The following NUAK1 variants were observed in gnomAD, a reference collection of about 807,000 sequenced individuals.
NUAK1 encodes NUAK family SNF1-like kinase 1.
Under a neutral mutation model 56.9 loss-of-function variants are expected in NUAK1, and 26 were observed. That is an observed-to-expected ratio of 0.46 (90% confidence interval 0.33 to 0.63). NUAK1 has a LOEUF of 0.63. Ranked by LOEUF, NUAK1 falls within the 30% of genes least tolerant of loss-of-function variation. The probability of loss-of-function intolerance (pLI) is 0.02; values close to 1 mark genes in which losing one functional copy is unlikely to be tolerated. For missense variants in NUAK1, 727 were observed against 876.1 expected (o/e 0.83, Z 2.15); for synonymous variants, 337 against 336.0 (o/e 1.00, Z -0.03).
At chr12:106,070,059 T>TA (rs1565918099) in intron 6 of NUAK1, among the ~76,000 whole-genome samples, 1 of 152,086 alleles carries the variant, frequency 6.6e-6, no homozygotes, top group African/African-American at 2.4e-5. Context: ...AGAAAAATTT[T>TA]AAAAAAAGAA....
intron 2 of NUAK1, among the ~76,000 whole-genome samples, chr12:106,099,480 T>C: frequency 6.6e-6 from 1 of 152,298 alleles, no homozygotes; most frequent in East Asian, 1.9e-4. Flanking sequence ...CTGGGAATTC[T>C]ACATATCACA....
At chr12:106,124,382 A>G (rs952031194) in intron 1 of NUAK1, among the ~76,000 whole-genome samples, 2 of 152,156 alleles carry the variant, frequency 1.3e-5, no homozygotes, top group Non-Finnish European at 2.9e-5. Context: ...TCTCATTAGC[A>G]GAGGAGATAT....
At chr12:106,135,094 A>T (rs1449754418) in intron 1 of NUAK1, among the ~76,000 whole-genome samples, 1 of 152,214 alleles carries the variant, frequency 6.6e-6, no homozygotes, top group Non-Finnish European at 1.5e-5. Flanking sequence ...TTCAGTTCTC[A>T]CAAGTCTATG....
At chr12:106,111,855 A>G (rs2032862241) in intron 1 of NUAK1, among the ~76,000 whole-genome samples, 1 of 151,688 alleles carries the variant, frequency 6.6e-6, no homozygotes, top group South Asian at 2.1e-4. Context: ...ACAGATGAGA[A>G]CATTGAGGCC....
rs990672765 is a variant in NUAK1 at position 106,138,609 on chromosome 12, C to T, written c.45G>A (p.Leu15=). The change falls in exon 1 of 7, where the codon TTG becomes TTA. Residue 15 remains leucine, a synonymous_variant. Transcript: ENST00000261402. The surrounding 1 kb of genome is among the most constrained non-coding windows in gnomAD (Gnocchi z 5.0). ...GGGGAGAGCCCGGCGCCCCCAGCCC[C>T]AAGTCGGGGCGGTCCCCCGCCACAG... ...AAPVAGDRPD[L]GLGAPGSPRE... The T allele has an allele frequency of 1.9e-6, 3 of 1,539,182 alleles. No individual in the cohort carries two copies. In the African/African-American group the frequency reaches 4.1e-5, roughly 21 times the overall value.
In NUAK1 at chr12:106,083,888, C is replaced by T; in HGVS notation, c.555G>A (p.Leu185=). 6.2e-7 allele frequency: 1 copy of T among 1,614,090 alleles called. No homozygotes were observed. The highest frequency in any genetic ancestry group is 1.6e-4 in the Middle Eastern group (1 of 6,062). ...VHRDLKLENI[L]LDDNCNIKIA... ...CCTTAATATTGCAGTTGTCATCGAG[C>T]AGTATATTTTCCAGCTTCAAGTCCC... Residue 185 remains leucine, a synonymous_variant, in exon 4 of 7, where the codon CTG becomes CTA. Transcript: ENST00000261402.
At chr12:106,133,119 C>T (rs941740870) in intron 1 of NUAK1, among the ~76,000 whole-genome samples, 1 of 152,064 alleles carries the variant, frequency 6.6e-6, no homozygotes, top group Non-Finnish European at 1.5e-5. Context: ...ATTATTACCC[C>T]CATCTTACCT....
At chr12:106,079,513 A>C (rs1440060817) in intron 4 of NUAK1, among the ~76,000 whole-genome samples, 8 of 152,290 alleles carry the variant, frequency 5.3e-5, no homozygotes, top group African/African-American at 1.9e-4. Context: ...AGTCAAGCAG[A>C]GACCCCAAAG....
In NUAK1 at chr12:106,066,529, C is replaced by T. The variant is rs1302097018; in HGVS notation, c.*273G>A. 1.5e-5 allele frequency: 7 copies of T among 479,170 alleles called. No homozygotes were observed. In the East Asian group the frequency reaches 2.2e-4, roughly 15 times the overall value. 29.7% of individuals were successfully genotyped at this position (479,170 alleles called of 1,614,324 possible). ...TCCACCCACTGAGTGCCGGTCAATA[C>T]CACCTCCCCTGGACAGCTGGTCCTC... On this transcript the variant is annotated 3_prime_UTR_variant, in exon 7 of 7. Transcript: ENST00000261402.
chr12:106,134,593 G>A (rs1340846259), intron 1 of NUAK1, among the ~76,000 whole-genome samples: 2 of 152,228 alleles, frequency 1.3e-5, no homozygotes, highest in Non-Finnish European at 2.9e-5. Flanking sequence ...CTGGTACAGT[G>A]AGGAAGTTGA....
At chr12:106,091,449 C>T (rs1219571075) in intron 2 of NUAK1, among the ~76,000 whole-genome samples, 1 of 152,074 alleles carries the variant, frequency 6.6e-6, no homozygotes. Flanking sequence ...CTGGGGATAC[C>T]GAAAGAAGAC....
At chr12:106,074,937 C>T (rs890866274) in intron 4 of NUAK1, among the ~76,000 whole-genome samples, 1 of 152,026 alleles carries the variant, frequency 6.6e-6, no homozygotes, top group African/African-American at 2.4e-5. Context: ...ATGAAGTGTG[C>T]CCTGTCAATC....
chr12:106,072,856 G>A lies in NUAK1; in HGVS notation c.580-13C>T. The stretch of plus-strand genomic sequence containing the variant: ...CAAAGTCAGCAATCTACAAAGAGAA[G>A]CAAGACCCAGGGAGACTTGTTAGCA... On this transcript the variant is annotated splice_polypyrimidine_tract_variant and intron_variant, in intron 4 of 6. Transcript: ENST00000261402. The A allele has an allele frequency of 6.2e-7, 1 of 1,613,708 alleles. No individual in the cohort carries two copies.
At chr12:106,102,212 G>A (rs1753679501) in intron 2 of NUAK1, among the ~76,000 whole-genome samples, 1 of 152,138 alleles carries the variant, frequency 6.6e-6, no homozygotes, top group Admixed American at 6.5e-5. Flanking sequence ...AAAACACTTG[G>A]AGGCACTGGA....
chr12:106,074,761 T>A (rs1317531427), intron 4 of NUAK1, among the ~76,000 whole-genome samples: 1 of 152,056 alleles, frequency 6.6e-6, no homozygotes, highest in Non-Finnish European at 1.5e-5. Flanking sequence ...AAGCAGCCTA[T>A]TTTGTAAAAG....
intron 1 of NUAK1, among the ~76,000 whole-genome samples, chr12:106,117,277 G>T (rs2032927527): frequency 6.6e-6 from 1 of 152,162 alleles, no homozygotes; most frequent in African/African-American, 2.4e-5. Context: ...GTGTTCTTTT[G>T]GGAGCCCACA....
intron 4 of NUAK1, among the ~76,000 whole-genome samples, chr12:106,073,149 ACTTG>A (rs1218421908): frequency 6.6e-6 from 1 of 152,228 alleles, no homozygotes; most frequent in Non-Finnish European, 1.5e-5. Flanking sequence ...TTTAATTTAG[ACTTG>A]CTTTGAGAAA....
intron 4 of NUAK1, among the ~76,000 whole-genome samples, chr12:106,075,973 G>A (rs1397769862): frequency 6.6e-6 from 1 of 152,146 alleles, no homozygotes; most frequent in Non-Finnish European, 1.5e-5. Context: ...AGTGATACTG[G>A]TTTTCCACTT....
At chr12:106,087,384 G>A (rs368788898) in intron 2 of NUAK1, among the ~76,000 whole-genome samples, 26 of 152,214 alleles carry the variant, frequency 1.7e-4, no homozygotes, top group South Asian at 8.3e-4. Flanking sequence ...CCACCAAGTC[G>A]TGCACGATCC....
Sources: allele counts gnomAD v4.1 joint callset (sites outside exome capture counted in the v4.1 genomes callset), GRCh38; gene constraint gnomAD v4.1.1; non-coding constraint Gnocchi (gnomAD v3.1); transcripts MANE v1.5; gene names NCBI Gene and HGNC (gene_info 2026-07-23, HGNC 2026-07-21).